COL4A2: variants seen among roughly 807,000 people sequenced by gnomAD.
COL4A2 encodes collagen type IV alpha 2 chain, also known as collagen alpha-2(IV) chain.
In COL4A2, 99 loss-of-function variants were observed where a neutral mutation model predicts 200.2. The observed-to-expected ratio is 0.49, with a 90% CI of 0.42 to 0.58. COL4A2 has a LOEUF of 0.58. COL4A2 is among the 20% of genes least tolerant of loss of function. COL4A2 has a pLI of 0.00. For synonymous variants in COL4A2, 897 were observed against 900.6 expected, an observed-to-expected ratio of 1.00 and a Z score of 0.07; for missense variants, 1,950 against 2,314.1, an observed-to-expected ratio of 0.84 and a Z score of 3.23.
intron 8 of COL4A2, 114 bp downstream of exon 8, chr13:110,430,070 C>A: frequency 9.3e-7 from 1 of 1,070,192 alleles, no homozygotes; most frequent in South Asian, 1.8e-5. Context: ...TGAAGGCATG[C>A]CTAGAATGGC....
At chr13:110,478,291 C>A in intron 30 of COL4A2, 127 bp downstream of exon 30, 1 of 807,714 alleles carries the variant, frequency 1.2e-6, no homozygotes, top group Non-Finnish European at 1.8e-6. Context: ...CAGGGGTTCC[C>A]AAACCAGAAC....
rs71127935 is a variant in COL4A2 at position 110,369,211 on chromosome 13, G to GTAAATAAATAAA, written c.180+11672_180+11683dup. On this transcript the variant is annotated intron_variant, in intron 4 of 47. Transcript: ENST00000360467. ...GGTAATAGAGCGAGACTCTGTCTCA[G>GTAAATAAATAAA]TAAATAAATAAATAAATAAATAAAG... Among the ~76,000 whole-genome samples the GTAAATAAATAAA allele has an allele frequency of 1.6e-3, 243 of 150,446 alleles. 1 individual carries two copies. Among genetic ancestry groups the GTAAATAAATAAA allele is most frequent in the African/African-American group, 5.2e-3 (211 of 40,964 alleles).
In COL4A2 at chr13:110,508,888, T is replaced by C. The variant is rs961849852; in HGVS notation, c.4881+667T>C. ...AGCACCATAGTGTCTCTTGCAATAT[T>C]GCCTATTAAAGCAGAGGCTCCTCAA... On this transcript the variant is annotated intron_variant, in intron 47 of 47. Coordinates refer to ENST00000360467, the MANE Select transcript of COL4A2 (RefSeq NM_001846.4). The surrounding 1 kb of genome is among the most constrained non-coding windows in gnomAD (Gnocchi z 6.1). 1.3e-5 allele frequency among the ~76,000 whole-genome samples: 2 copies of C among 152,120 alleles called. No homozygotes were observed. The highest frequency in any genetic ancestry group is 4.8e-5 in the African/African-American group (2 of 41,410).
intron 40 of COL4A2, among the ~76,000 whole-genome samples, chr13:110,498,536 A>T (rs945348856): frequency 6.6e-6 from 1 of 152,146 alleles, no homozygotes; most frequent in Non-Finnish European, 1.5e-5. Flanking sequence ...TTAACGTTTG[A>T]TTCACACAGC....
intron 21 of COL4A2, 37 bp downstream of exon 21, chr13:110,457,472 T>A: frequency 8.0e-7 from 1 of 1,249,874 alleles, no homozygotes; most frequent in Non-Finnish European, 1.2e-6. Context: ...GAGGACAGCC[T>A]GGCCTTTCCA....
At chr13:110,317,264 T>C (rs1368154105) in intron 3 of COL4A2, among the ~76,000 whole-genome samples, 1 of 142,438 alleles carries the variant, frequency 7.0e-6, no homozygotes, top group Non-Finnish European at 1.5e-5. Context: ...TGCACCACAC[T>C]CACACATACA....
At chr13:110,429,742 C>A in intron 7 of COL4A2, 143 bp from the exon 8 acceptor site, 2 of 692,320 alleles carry the variant, frequency 2.9e-6, no homozygotes, top group South Asian at 1.8e-5. Flanking sequence ...GGTTGGTGTT[C>A]AGAATAACCC....
chr13:110,503,711 C>T (rs1883734448), intron 43 of COL4A2, 136 bp from the exon 44 acceptor site: 1 of 1,079,852 alleles, frequency 9.3e-7, no homozygotes, highest in Non-Finnish European at 1.4e-6. Flanking sequence ...CCGTTAGTGT[C>T]TGGCTCATCT....
intron 4 of COL4A2, among the ~76,000 whole-genome samples, chr13:110,363,251 CTA>C (rs1029416693): frequency 3.9e-4 from 59 of 152,198 alleles, no homozygotes; most frequent in African/African-American, 1.4e-3. Context: ...AGCCTGGAGA[CTA>C]TGCTTCTGGA....
At chr13:110,496,058 C>T (rs929930810) in intron 40 of COL4A2, among the ~76,000 whole-genome samples, 4 of 152,180 alleles carry the variant, frequency 2.6e-5, no homozygotes, top group Admixed American at 2.6e-4. Context: ...GCCCCTCCCC[C>T]ACCCCGCCCA....
At chr13:110,358,287 A>C (rs1019214754) in intron 4 of COL4A2, among the ~76,000 whole-genome samples, 1 of 152,196 alleles carries the variant, frequency 6.6e-6, no homozygotes, top group Non-Finnish European at 1.5e-5. Flanking sequence ...GCTCAGGATA[A>C]TCAATATCAC....
intron 4 of COL4A2, among the ~76,000 whole-genome samples, chr13:110,388,285 C>T (rs1878843806): frequency 6.6e-6 from 1 of 152,232 alleles, no homozygotes; most frequent in South Asian, 2.1e-4. Context: ...CAGCTGCCGG[C>T]ACCTTGGGAG....
intron 3 of COL4A2, among the ~76,000 whole-genome samples, chr13:110,311,502 TCTC>T (rs1884982113): frequency 6.6e-6 from 1 of 151,920 alleles, no homozygotes; most frequent in Admixed American, 6.6e-5. Flanking sequence ...GCGTCCTAGT[TCTC>T]CTCTCCCCCA....
intron 6 of COL4A2, among the ~76,000 whole-genome samples, chr13:110,427,176 CAG>C (rs1355949886): frequency 6.6e-6 from 1 of 152,182 alleles, no homozygotes; most frequent in Admixed American, 6.5e-5. Context: ...TGTTTTGAGA[CAG>C]AGTCTTGTTC....
At chr13:110,340,390 C>G (rs988126459) in intron 3 of COL4A2, among the ~76,000 whole-genome samples, 1 of 152,206 alleles carries the variant, frequency 6.6e-6, no homozygotes, top group African/African-American at 2.4e-5. Context: ...TTACTCTAGC[C>G]ACAGATATGG....
Position 110,429,873 on chromosome 13 carries a change from T to A in COL4A2, c.478-12T>A. The A allele has an allele frequency of 6.2e-7, 1 of 1,613,046 alleles. No homozygotes were observed. Among genetic ancestry groups the A allele is most frequent in the African/African-American group, 1.3e-5 (1 of 74,952 alleles). ...TGTTGTTTTTTCTTTTTACAATATA[T>A]CTGCTAATTAGGGGCCCCAAGGACC... On this transcript the variant is annotated splice_polypyrimidine_tract_variant and intron_variant, in intron 7 of 47. Transcript: ENST00000360467.
intron 46 of COL4A2, 79 bp from the exon 47 acceptor site, chr13:110,507,856 C>G (rs1883938440): frequency 6.8e-7 from 1 of 1,471,012 alleles, no homozygotes; most frequent in Non-Finnish European, 9.4e-7. Flanking sequence ...TGACACACAG[C>G]CTCCTGGGCC....
chr13:110,508,326 G>T lies in COL4A2; in HGVS notation c.4881+105G>T, dbSNP rs1439640441. ...AATCAGACACGGCAGTCCAGGGTGT[G>T]CACTGCACAAGGGTAGTTGGCCCAG... is the stretch of plus-strand genomic sequence containing the variant. On this transcript the variant is annotated intron_variant, in intron 47 of 47. Transcript: ENST00000360467. The surrounding 1 kb of genome is among the most constrained non-coding windows in gnomAD (Gnocchi z 6.1). 8 of 1,541,418 alleles carry T rather than the reference G, an allele frequency of 5.2e-6. No individual in the cohort carries two copies. Among genetic ancestry groups the T allele is most frequent in the Non-Finnish European group, 6.2e-6 (7 of 1,135,000 alleles).
intron 3 of COL4A2, among the ~76,000 whole-genome samples, chr13:110,322,885 G>T (rs1885312177): frequency 1.3e-5 from 2 of 152,234 alleles, no homozygotes. Flanking sequence ...AGGTTTCTCT[G>T]CAGGCGCAGC....
Sources: allele counts gnomAD v4.1 joint callset (sites outside exome capture counted in the v4.1 genomes callset), GRCh38; gene constraint gnomAD v4.1.1; non-coding constraint Gnocchi (gnomAD v3.1); transcripts MANE v1.5; gene names NCBI Gene and HGNC (gene_info 2026-07-23, HGNC 2026-07-21).